Variants in KIAA1549 observed in about 807,000 individuals in gnomAD.
KIAA1549 encodes the protein UPF0606 protein KIAA1549.
A neutral mutation model predicts 156.4 loss-of-function variants in KIAA1549; 70 were observed. That is an observed-to-expected ratio of 0.45 (90% CI 0.37 to 0.55). The LOEUF (loss-of-function observed/expected upper bound fraction) is 0.55, where lower values mean the gene tolerates loss of function less well. KIAA1549 is among the 20% of genes least tolerant of loss of function. The probability of loss-of-function intolerance (pLI) is 0.00; values close to 1 mark genes in which losing one functional copy is unlikely to be tolerated. For missense variants in KIAA1549, 2,428 were observed against 2,540.9 expected (o/e 0.96, Z 0.96); for synonymous variants, 1,103 against 1,066.4 (o/e 1.03, Z -0.67).
At chr7:138,862,783 T>A (rs1470744054) in intron 15 of KIAA1549, among the ~76,000 whole-genome samples, 1 of 151,884 alleles carries the variant, frequency 6.6e-6, no homozygotes, top group African/African-American at 2.4e-5. Flanking sequence ...ATATAAAAAT[T>A]AGCTGGGCGT....
intron 1 of KIAA1549, among the ~76,000 whole-genome samples, chr7:138,974,038 G>A (rs145683701): frequency 1.9e-4 from 29 of 152,338 alleles, no homozygotes; most frequent in Middle Eastern, 3.4e-3. Flanking sequence ...AGTGGAGCAC[G>A]AGCACTGACA....
intron 1 of KIAA1549, among the ~76,000 whole-genome samples, chr7:138,961,771 G>A (rs1417283195): frequency 6.6e-6 from 1 of 150,970 alleles, no homozygotes; most frequent in African/African-American, 2.4e-5. Context: ...GATCTCAGGG[G>A]TTCAAGGCTG....
At chr7:138,928,217 G>T (rs182472081) in intron 1 of KIAA1549, among the ~76,000 whole-genome samples, 2 of 147,288 alleles carry the variant, frequency 1.4e-5, no homozygotes, top group Admixed American at 6.8e-5. Flanking sequence ...CACCACGCCC[G>T]GCCTACTATT....
intron 1 of KIAA1549, among the ~76,000 whole-genome samples, chr7:138,964,947 T>G (rs543730062): frequency 1.3e-5 from 2 of 150,858 alleles, no homozygotes; most frequent in African/African-American, 4.9e-5. Flanking sequence ...TAGCAGTGTT[T>G]TTTTTCTTTG....
chr7:138,864,848 T>C (rs538172576), intron 15 of KIAA1549, among the ~76,000 whole-genome samples: 4 of 152,374 alleles, frequency 2.6e-5, no homozygotes, highest in Admixed American at 2.0e-4. Flanking sequence ...ATGAGTCATA[T>C]AGTCTGTCAC....
At chr7:138,931,774 GAA>G (rs1812880907) in intron 1 of KIAA1549, among the ~76,000 whole-genome samples, 4 of 132,664 alleles carry the variant, frequency 3.0e-5, no homozygotes, top group Non-Finnish European at 6.5e-5. Context: ...AAAAAAAAAA[GAA>G]GGTCTTGATT....
At chr7:138,871,094 G>C in intron 13 of KIAA1549, 63 bp downstream of exon 13, 4 of 1,498,354 alleles carry the variant, frequency 2.7e-6, no homozygotes, top group South Asian at 1.2e-5. Context: ...TGGGATTACA[G>C]GCATAAGCCA....
chr7:138,948,129 A>AT (rs1387219165), intron 1 of KIAA1549, among the ~76,000 whole-genome samples: 1 of 152,154 alleles, frequency 6.6e-6, no homozygotes, highest in Admixed American at 6.5e-5. Flanking sequence ...CAAAAAAGAT[A>AT]TTTTGAAGTC....
Position 138,861,217 on chromosome 7 carries a change from G to C in KIAA1549, c.5169C>G (p.Thr1723=). 1 of 1,613,528 alleles carries C rather than the reference G, an allele frequency of 6.2e-7. No homozygotes were observed. Among genetic ancestry groups the C allele is most frequent in the African/African-American group, 1.3e-5 (1 of 75,036 alleles). ...TGGCTCGCCTCTCTTCCTGGGAAGG[G>C]GTGCTGTTTGCGGGCAGGCCGGGTG... The part of the protein sequence containing the change: ...GVPPGLPANS[T]PSQEERRATQ... Residue 1723 remains threonine (T), a synonymous_variant, in exon 16 of 20, where the codon ACC becomes ACG. Coordinates refer to ENST00000422774, the MANE Select transcript of KIAA1549 (RefSeq NM_001164665.2).
chr7:138,950,543 C>G (rs1452669178), intron 1 of KIAA1549, among the ~76,000 whole-genome samples: 1 of 152,174 alleles, frequency 6.6e-6, no homozygotes, highest in East Asian at 1.9e-4. Flanking sequence ...TTAGGGGACT[C>G]TTGTCATTTA....
intron 1 of KIAA1549, among the ~76,000 whole-genome samples, chr7:138,957,479 T>TTCTTCC (rs1289782479): frequency 5.7e-5 from 8 of 139,488 alleles, no homozygotes; most frequent in African/African-American, 2.1e-4. Context: ...CTTCTTCTTC[T>TTCTTCC]TCCTCTTCTT....
Position 138,918,184 on chromosome 7 carries a change from A to C in KIAA1549, c.1442T>G (p.Phe481Cys). 6.2e-7 allele frequency: 1 copy of C among 1,614,010 alleles called. No individual in the cohort carries two copies. The highest frequency in any genetic ancestry group is 8.5e-7 in the Non-Finnish European group (1 of 1,179,880). Reference sequence around the variant, plus strand: ...AGGTCTGGAGGGGAAAAGCGTATTAAATACTTGAGGATCTTCCTCAAATTC... The same window carrying C: ...AGGTCTGGAGGGGAAAAGCGTATTACATACTTGAGGATCTTCCTCAAATTC... ...FSEFEEDPQVFNTLFPSRPIV... is the reference protein window; with the variant it reads ...FSEFEEDPQVCNTLFPSRPIV... The change falls in exon 2 of 20, where the codon TTT becomes TGT. Residue 481 changes from phenylalanine to cysteine, a missense_variant. Physicochemically the swap from Phe to Cys is radical, Grantham distance 205. This residue lies in a region of KIAA1549 where 893 missense variants were observed against 847.9 expected (regional missense o/e 1.05). Coordinates refer to ENST00000422774, the MANE Select transcript of KIAA1549 (RefSeq NM_001164665.2). This position sits in a 1 kb window ranked among gnomAD's most constrained non-coding sequence, Gnocchi z 4.2.
At chr7:138,907,153 A>C in intron 5 of KIAA1549, 51 bp from the exon 6 acceptor site, 1 of 1,357,684 alleles carries the variant, frequency 7.4e-7, no homozygotes, top group East Asian at 2.7e-5. Flanking sequence ...TTCTGCTGAA[A>C]GCTTAACCAT....
At chr7:138,877,266 G>T (rs1262139325) in intron 12 of KIAA1549, among the ~76,000 whole-genome samples, 1 of 152,210 alleles carries the variant, frequency 6.6e-6, no homozygotes, top group African/African-American at 2.4e-5. Context: ...GGCCGAGGTG[G>T]GCAGATCACA....
chr7:138,905,654 A>AT (rs1811984881), intron 6 of KIAA1549, among the ~76,000 whole-genome samples: 1 of 152,046 alleles, frequency 6.6e-6, no homozygotes, highest in African/African-American at 2.4e-5. Context: ...TGGTTGTTTC[A>AT]TTTTGAAAAA....
rs375347362 is a variant in KIAA1549, at chr7:138,894,462, G to A, written c.3912C>T (p.Gly1304=). Residue 1304 remains glycine (G), a synonymous_variant, in exon 10 of 20, where the codon GGC becomes GGT. Transcript: ENST00000422774. The part of the protein sequence containing the change: ...SQSNNLWVIV[G]VVIPVLVVMV... ...TCACCACCAGCACTGGGATGACCACGCCAACAATGACCCACAAGTTGTTGC... is the reference window on the plus strand; with the variant it reads ...TCACCACCAGCACTGGGATGACCACACCAACAATGACCCACAAGTTGTTGC... 1.2e-5 allele frequency: 20 copies of A among 1,613,892 alleles called. No individual in the cohort carries two copies. The highest frequency in any genetic ancestry group is 4.4e-5 in the South Asian group (4 of 91,078).
At chr7:138,936,877 G>T (rs559470310) in intron 1 of KIAA1549, among the ~76,000 whole-genome samples, 1 of 152,124 alleles carries the variant, frequency 6.6e-6, no homozygotes, top group African/African-American at 2.4e-5. Flanking sequence ...CTCTCTCTAC[G>T]AGCCATAACC....
rs1360814062 is a variant in KIAA1549, at chr7:138,844,402, G to A, written c.5367C>T (p.Ser1789=). 3 of 1,604,938 alleles carry A rather than the reference G, an allele frequency of 1.9e-6. No individual in the cohort carries two copies. The highest frequency in any genetic ancestry group is 2.2e-5 in the South Asian group (2 of 89,774). Residue 1789 remains serine (S), a synonymous_variant, in exon 18 of 20, where the codon TCC becomes TCT. Transcript: ENST00000422774. ...VPPDPQQPQA[S]AEAPFAARGI... is the part of the protein sequence containing the mutation. ...CTCTGGCAGCAAATGGGGCTTCGGCGGAGGCCTGTGGCTGCTGAGGGTCAG... is the reference window on the plus strand; with the variant it reads ...CTCTGGCAGCAAATGGGGCTTCGGCAGAGGCCTGTGGCTGCTGAGGGTCAG...
At chr7:138,926,296 CT>C (rs5887911) in intron 1 of KIAA1549, among the ~76,000 whole-genome samples, 2 of 150,150 alleles carry the variant, frequency 1.3e-5, no homozygotes, top group Middle Eastern at 3.4e-3. Flanking sequence ...TTTTCTTTTT[CT>C]TTTTTTTTGA....
Sources: gnomAD v4.1 joint callset for allele counts (sites outside exome capture counted in the v4.1 genomes callset) on GRCh38, gnomAD v4.1.1 for gene constraint, gnomAD v4.1.1 regional missense constraint, Gnocchi (gnomAD v3.1) non-coding constraint, MANE v1.5 for transcripts, NCBI Gene and HGNC (gene_info 2026-07-23, HGNC 2026-07-21) for gene names.